SPTBN1: variants seen among roughly 807,000 people sequenced by gnomAD.
SPTBN1 encodes spectrin beta chain, non-erythrocytic 1.
In SPTBN1, 32 loss-of-function variants were observed where a neutral mutation model predicts 266.4. That is an observed-to-expected ratio of 0.12 (90% CI 0.09 to 0.16). The LOEUF (loss-of-function observed/expected upper bound fraction) is 0.16. SPTBN1 is among the 10% of genes least tolerant of loss of function. The pLI is 1.00. For missense variants in SPTBN1, 2,296 were observed against 3,067.1 expected (o/e 0.75, Z 5.94); for synonymous variants, 1,336 against 1,162.2 (o/e 1.15, Z -3.04).
intron 1 of SPTBN1, among the ~76,000 whole-genome samples, chr2:54,518,173 C>T (rs1446327070): frequency 1.3e-5 from 2 of 151,874 alleles, no homozygotes; most frequent in East Asian, 3.8e-4. Flanking sequence ...GCCCCATGTA[C>T]CTGAGTAATA....
At position 54,466,378 on chromosome 2, in the gene SPTBN1, C is replaced by T. The variant is rs930574532; in HGVS notation, c.-48+9860C>T. Among the ~76,000 whole-genome samples the T allele has an allele frequency of 4.6e-4, 12 of 25,884 alleles. 4 individuals carry two copies. The highest frequency in any genetic ancestry group is 4.0e-3 in the African/African-American group (6 of 1,504). 17.0% of individuals were successfully genotyped at this position (25,884 alleles called of 152,430 possible). A position where few individuals can be genotyped will look rare whatever the true frequency, so the allele number is the denominator to read the frequency against. On this transcript the variant is annotated intron_variant, in intron 1 of 35. Coordinates refer to ENST00000356805, the MANE Select transcript of SPTBN1 (RefSeq NM_003128.3). ...TTCTTCGAGACCATCCTGGCTAACA[C>T]GGTGAAACCCCGTCTCTACTAAAAA... is the stretch of plus-strand genomic sequence containing the variant.
chr2:54,622,695 G>A (rs1678074043), intron 9 of SPTBN1, among the ~76,000 whole-genome samples: 1 of 152,122 alleles, frequency 6.6e-6, no homozygotes, highest in Non-Finnish European at 1.5e-5. Context: ...ATGTGCCACT[G>A]ACATACAGGA....
intron 1 of SPTBN1, among the ~76,000 whole-genome samples, chr2:54,458,405 G>T (rs1158723735): frequency 6.6e-6 from 1 of 152,104 alleles, no homozygotes; most frequent in Non-Finnish European, 1.5e-5. Flanking sequence ...CTTTATTAAG[G>T]ATTATTAGGT....
At chr2:54,572,632 A>G (rs1460644097) in intron 2 of SPTBN1, among the ~76,000 whole-genome samples, 1 of 152,158 alleles carries the variant, frequency 6.6e-6, no homozygotes, top group Non-Finnish European at 1.5e-5. Flanking sequence ...GTGCCTCCCA[A>G]TCTCTGCCCC....
chr2:54,519,714 A>G (rs1670319332), intron 1 of SPTBN1, among the ~76,000 whole-genome samples: 1 of 152,142 alleles, frequency 6.6e-6, no homozygotes, highest in African/African-American at 2.4e-5. Context: ...AATAACTGGA[A>G]TTACATTTTA....
At chr2:54,566,178 CTTTTTTCT>C (rs940411389) in intron 2 of SPTBN1, among the ~76,000 whole-genome samples, 6 of 126,130 alleles carry the variant, frequency 4.8e-5, no homozygotes, top group African/African-American at 1.7e-4. Flanking sequence ...AAGCATTTTT[CTTTTTTCT>C]TTTTTTTTTT....
chr2:54,530,312 A>C lies in SPTBN1; in HGVS notation c.148+3746A>C, dbSNP rs1361748130. Among the ~76,000 whole-genome samples, 3 of 146,258 alleles carry C rather than the reference A, an allele frequency of 2.1e-5. No homozygotes were observed. In the Admixed American group the frequency reaches 2.1e-4, roughly 10 times the overall value. ...TGTTACTAATTCTCACCCAGTTGAC[A>C]GATACTTCCTATTATTAGGTTATCT... On this transcript the variant is annotated intron_variant, in intron 2 of 35. Transcript: ENST00000356805.
chr2:54,614,659 C>T (rs985361864), intron 4 of SPTBN1, among the ~76,000 whole-genome samples: 4 of 152,006 alleles, frequency 2.6e-5, no homozygotes, highest in African/African-American at 4.8e-5. Flanking sequence ...AAAAATTAGC[C>T]AGGTGTGGTG....
At chr2:54,660,741 A>T in intron 32 of SPTBN1, 1 of 985,454 alleles carries the variant, frequency 1.0e-6, no homozygotes, top group Non-Finnish European at 1.2e-6. Flanking sequence ...TCCTGAATTG[A>T]AAACTGTAGG....
intron 2 of SPTBN1, among the ~76,000 whole-genome samples, chr2:54,587,172 C>G (rs1675350584): frequency 6.6e-6 from 1 of 152,132 alleles, no homozygotes; most frequent in South Asian, 2.1e-4. Context: ...CTGCTTTATC[C>G]AAGGCTCCTA....
intron 3 of SPTBN1, among the ~76,000 whole-genome samples, chr2:54,611,560 G>A (rs966753390): frequency 6.6e-6 from 1 of 152,066 alleles, no homozygotes; most frequent in Non-Finnish European, 1.5e-5. Flanking sequence ...ACTGGGTAGA[G>A]GGAAGAAACA....
intron 1 of SPTBN1, among the ~76,000 whole-genome samples, chr2:54,500,855 A>G (rs1190687746): frequency 6.6e-6 from 1 of 152,166 alleles, no homozygotes; most frequent in African/African-American, 2.4e-5. Context: ...CATTTTAAAG[A>G]TCTTGATGCT....
chr2:54,457,153 G>GCGC (rs1553425454), intron 1 of SPTBN1: 1 of 49,690 alleles, frequency 2.0e-5, no homozygotes, highest in South Asian at 9.6e-4. Flanking sequence ...TCGTGCGCCC[G>GCGC]CCCCCCCCCC....
chr2:54,601,653 A>G (rs978990772), intron 3 of SPTBN1, among the ~76,000 whole-genome samples: 3 of 152,188 alleles, frequency 2.0e-5, no homozygotes, highest in African/African-American at 7.2e-5. Flanking sequence ...TTTGCACTCT[A>G]TCTGGAGCCC....
At chr2:54,457,780 C>A (rs1693139528) in intron 1 of SPTBN1, among the ~76,000 whole-genome samples, 1 of 152,210 alleles carries the variant, frequency 6.6e-6, no homozygotes, top group Non-Finnish European at 1.5e-5. Flanking sequence ...CTGGATGTGG[C>A]GTCAGGAGGA....
chr2:54,564,250 G>C (rs1440494523), intron 2 of SPTBN1, among the ~76,000 whole-genome samples: 1 of 152,192 alleles, frequency 6.6e-6, no homozygotes, highest in African/African-American at 2.4e-5. Flanking sequence ...AGAGGAAGGT[G>C]ATAGATAACT....
At chr2:54,485,716 G>T (rs537439226) in intron 1 of SPTBN1, among the ~76,000 whole-genome samples, 5 of 151,732 alleles carry the variant, frequency 3.3e-5, no homozygotes, top group African/African-American at 1.2e-4. Context: ...GAGCGTCTCT[G>T]CCCGGCCGCC....
At chr2:54,461,650 A>T (rs906630840) in intron 1 of SPTBN1, among the ~76,000 whole-genome samples, 1 of 152,180 alleles carries the variant, frequency 6.6e-6, no homozygotes, top group Non-Finnish European at 1.5e-5. Context: ...ACATTATCTC[A>T]CTGTGATTTT....
At chr2:54,665,124 A>G (rs1681287806) in intron 33 of SPTBN1, among the ~76,000 whole-genome samples, 1 of 152,236 alleles carries the variant, frequency 6.6e-6, no homozygotes, top group African/African-American at 2.4e-5. Context: ...CAGATGGGGA[A>G]CAGAGGCTCT....
Sources: allele counts gnomAD v4.1 joint callset (sites outside exome capture counted in the v4.1 genomes callset), GRCh38; gene constraint gnomAD v4.1.1; transcripts MANE v1.5; gene names NCBI Gene and HGNC (gene_info 2026-07-23, HGNC 2026-07-21).